The following DCDC2C variants were observed in gnomAD, a reference collection of about 807,000 sequenced individuals.
The protein encoded by DCDC2C is doublecortin domain-containing protein 2C.
In DCDC2C, 44 loss-of-function variants were observed where a neutral mutation model predicts 45.0. The observed-to-expected ratio is 0.98, with a 90% CI of 0.77 to 1.26. The LOEUF (loss-of-function observed/expected upper bound fraction) is 1.26, where lower values mean the gene tolerates loss of function less well. DCDC2C is among the 50% of genes most tolerant of loss of function. DCDC2C has a pLI of 0.00. For missense variants in DCDC2C, 447 were observed against 468.9 expected (o/e 0.95, Z 0.43); for synonymous variants, 187 against 178.8 (o/e 1.05, Z -0.37).
chr2:3,774,122 C>T (rs1465685250), intron 8 of DCDC2C, among the ~76,000 whole-genome samples: 1 of 152,176 alleles, frequency 6.6e-6, no homozygotes, highest in Admixed American at 6.5e-5. Flanking sequence ...TCAATCTAAA[C>T]TTGGGTAATC....
intron 6 of DCDC2C, among the ~76,000 whole-genome samples, chr2:3,757,646 AG>A (rs1163033517): frequency 6.6e-5 from 10 of 152,214 alleles, no homozygotes; most frequent in Admixed American, 6.5e-4. Context: ...ACACTCCGCT[AG>A]CACGAGACAC....
intron 10 of DCDC2C, among the ~76,000 whole-genome samples, chr2:3,804,084 T>G (rs1671175215): frequency 6.6e-6 from 1 of 152,226 alleles, no homozygotes; most frequent in Admixed American, 6.5e-5. Context: ...TTATTCATTA[T>G]CCCCTCAGTA....
chr2:3,829,442 T>G (rs1671902926), intron 10 of DCDC2C, among the ~76,000 whole-genome samples: 3 of 152,148 alleles, frequency 2.0e-5, no homozygotes, highest in Admixed American at 2.0e-4. Flanking sequence ...TGACAGAGTT[T>G]AGCAGGCAGG....
At chr2:3,841,209 G>C (rs1184782446) in intron 10 of DCDC2C, among the ~76,000 whole-genome samples, 1 of 152,114 alleles carries the variant, frequency 6.6e-6, no homozygotes, top group Non-Finnish European at 1.5e-5. Flanking sequence ...AGTATCCTTA[G>C]GGGAGACATT....
At position 3,809,561 on chromosome 2, in the gene DCDC2C, G is replaced by A. The variant is rs532397213; in HGVS notation, c.1065+24461G>A. On this transcript the variant is annotated intron_variant, in intron 10 of 10. Coordinates refer to ENST00000399143, the MANE Select transcript of DCDC2C (RefSeq NM_001287444.2). The stretch of plus-strand genomic sequence containing the variant: ...GAAAAACTATTGACTTTTTTATATC[G>A]ACCTGAATCCTGAAATCTTGATGAG... Among the ~76,000 whole-genome samples, 9 of 151,820 alleles carry A rather than the reference G, an allele frequency of 5.9e-5. No individual in the cohort carries two copies. In the East Asian group the frequency reaches 1.7e-3, roughly 29 times the overall value.
At chr2:3,807,241 T>A (rs918807686) in intron 10 of DCDC2C, among the ~76,000 whole-genome samples, 1 of 152,180 alleles carries the variant, frequency 6.6e-6, no homozygotes, top group Admixed American at 6.5e-5. Context: ...ACTTCCAAAT[T>A]TCCCCCCTTG....
intron 3 of DCDC2C, among the ~76,000 whole-genome samples, chr2:3,739,659 A>T (rs2148103773): frequency 6.6e-6 from 1 of 152,374 alleles, no homozygotes; most frequent in East Asian, 1.9e-4. Context: ...TGGCTCCGCC[A>T]TCTGCTGAGA....
rs555397073 is a variant in DCDC2C, at chr2:3,778,692, A to AGCTGGAGAAACT, written c.955-123_955-122insCTGGAGAAACTG. 2,110 of 812,482 alleles carry AGCTGGAGAAACT rather than the reference A, an allele frequency of 2.6e-3. 46 individuals carry two copies. In the African/African-American group the frequency reaches 0.033, roughly 13 times the overall value. 50.3% of individuals were successfully genotyped at this position (812,482 alleles called of 1,614,324 possible). A position where few individuals can be genotyped will look rare whatever the true frequency, so the allele number is the denominator to read the frequency against. On this transcript the variant is annotated intron_variant, in intron 8 of 10. Coordinates refer to ENST00000399143, the MANE Select transcript of DCDC2C (RefSeq NM_001287444.2). ...GCCATCCTGCATCTGGAGAAACTGCAGTGACTTCCCCAGCTCTACCCATAG... is the reference window on the plus strand; with the variant it reads ...GCCATCCTGCATCTGGAGAAACTGCAGCTGGAGAAACTGTGACTTCCCCAGCTCTACCCATAG...
At chr2:3,731,786 A>T (rs1372171485) in intron 3 of DCDC2C, among the ~76,000 whole-genome samples, 2 of 152,058 alleles carry the variant, frequency 1.3e-5, no homozygotes. Flanking sequence ...TATTAGACTG[A>T]TTTCCCATGA....
chr2:3,847,118 A>C, intron 10 of DCDC2C, 36 bp from the exon 11 acceptor site: 1 of 1,227,538 alleles, frequency 8.1e-7, no homozygotes, highest in Non-Finnish European at 1.0e-6. Context: ...CAGCTTGAAG[A>C]TGTTCTCTGT....
At chr2:3,729,854 G>A (rs1668810224) in intron 3 of DCDC2C, among the ~76,000 whole-genome samples, 1 of 152,182 alleles carries the variant, frequency 6.6e-6, no homozygotes. Flanking sequence ...TCCTATGGCT[G>A]TGGCTTGATG....
rs145560588 is a variant in DCDC2C at position 3,736,602 on chromosome 2, C to G, written c.417-5318C>G. Among the ~76,000 whole-genome samples the G allele has an allele frequency of 4.0e-3, 614 of 152,250 alleles. 2 individuals are homozygous for G. The highest frequency in any genetic ancestry group is 0.014 in the African/African-American group (591 of 41,536). On this transcript the variant is annotated intron_variant, in intron 3 of 10. Transcript: ENST00000399143. ...CTCTGGAGGGCTGAGCTGTTTCTCCCCACGAGCCAGCAAATGTCCAGACCC... is the reference window on the plus strand; with the variant it reads ...CTCTGGAGGGCTGAGCTGTTTCTCCGCACGAGCCAGCAAATGTCCAGACCC...
intron 9 of DCDC2C, among the ~76,000 whole-genome samples, chr2:3,784,385 T>A (rs939478587): frequency 2.6e-5 from 4 of 152,100 alleles, no homozygotes; most frequent in African/African-American, 7.2e-5. Flanking sequence ...TGCACTTTTT[T>A]AAACCATTAT....
chr2:3,705,741 G>C (rs1167726024), intron 1 of DCDC2C, among the ~76,000 whole-genome samples: 2 of 152,118 alleles, frequency 1.3e-5, no homozygotes, highest in Non-Finnish European at 2.9e-5. Flanking sequence ...AGAGAGTCTC[G>C]AGTCTCATGG....
chr2:3,837,622 AAGAAATCAGCCTTTGGC>A (rs1672114269), intron 10 of DCDC2C, among the ~76,000 whole-genome samples: 1 of 124,482 alleles, frequency 8.0e-6, no homozygotes, highest in Non-Finnish European at 1.9e-5. Context: ...GAAACTGAGG[AAGAAATCAGCCTTTGGC>A]TCCCCCTTTC....
intron 10 of DCDC2C, among the ~76,000 whole-genome samples, chr2:3,793,021 C>T (rs1471288445): frequency 3.3e-5 from 5 of 152,106 alleles, no homozygotes; most frequent in Admixed American, 1.3e-4. Flanking sequence ...TCCATAAGGT[C>T]GTATAATTTC....
chr2:3,818,378 A>G lies in DCDC2C; in HGVS notation c.1066-28776A>G, dbSNP rs1671605584. Reference sequence around the variant, plus strand: ...AGGAATAGTAAAGAAAGCATATTTGAGATCCTGAACAGAATAATGGGTTAT... The same window carrying G: ...AGGAATAGTAAAGAAAGCATATTTGGGATCCTGAACAGAATAATGGGTTAT... On this transcript the variant is annotated intron_variant, in intron 10 of 10. Transcript: ENST00000399143. This position sits in a 1 kb window ranked among gnomAD's most constrained non-coding sequence, Gnocchi z 4.7. Among the ~76,000 whole-genome samples the G allele has an allele frequency of 1.3e-5, 2 of 152,134 alleles. No individual in the cohort carries two copies. Among genetic ancestry groups the G allele is most frequent in the Admixed American group, 1.3e-4 (2 of 15,264 alleles).
chr2:3,795,116 T>G (rs1396673729), intron 10 of DCDC2C, among the ~76,000 whole-genome samples: 2 of 151,372 alleles, frequency 1.3e-5, no homozygotes, highest in African/African-American at 4.8e-5. Context: ...TGATGGCCAG[T>G]GATGGTGAGC....
Position 3,703,926 on chromosome 2 carries a change from G to C in DCDC2C, c.175G>C (p.Gly59Arg). Residue 59 changes from glycine to arginine, a missense_variant, in exon 1 of 11, where the codon GGC becomes CGC. By Grantham distance (125) the Gly-to-Arg change is moderately radical (BLOSUM62 -2). Transcript: ENST00000399143. This position sits in a 1 kb window ranked among gnomAD's most constrained non-coding sequence, Gnocchi z 4.4. ...CACGGAGCAGGTGGACGTCCCGTTCGGCGTGCGCCGCCTCTTCACGCCCAC... is the reference window on the plus strand; with the variant it reads ...CACGGAGCAGGTGGACGTCCCGTTCCGCGTGCGCCGCCTCTTCACGCCCAC... ...QLTEQVDVPF[G>R]VRRLFTPTRG... 1 of 1,335,264 alleles carries C rather than the reference G, an allele frequency of 7.5e-7. No homozygotes were observed. The highest frequency in any genetic ancestry group is 9.6e-7 in the Non-Finnish European group (1 of 1,039,920). 82.7% of individuals were successfully genotyped at this position (1,335,264 alleles called of 1,614,324 possible). A position where few individuals can be genotyped will look rare whatever the true frequency, so the allele number is the denominator to read the frequency against.
Sources: allele counts gnomAD v4.1 joint callset (sites outside exome capture counted in the v4.1 genomes callset), GRCh38; gene constraint gnomAD v4.1.1; non-coding constraint Gnocchi (gnomAD v3.1); transcripts MANE v1.5; gene names NCBI Gene and HGNC (gene_info 2026-07-23, HGNC 2026-07-21).